ITSN1: variants seen among roughly 807,000 people sequenced by gnomAD.
The protein encoded by ITSN1 is intersectin-1.
A neutral mutation model predicts 239.8 loss-of-function variants in ITSN1; 58 were observed. The ratio of observed to expected loss-of-function variants is 0.24; its 90% confidence interval spans 0.20 to 0.30. The LOEUF (loss-of-function observed/expected upper bound fraction) is 0.30. Ranked by LOEUF, ITSN1 falls within the 10% of genes least tolerant of loss-of-function variation. The pLI is 1.00. For synonymous variants in ITSN1, 780 were observed against 770.8 expected (o/e 1.01, Z -0.20); for missense variants, 1,558 against 2,103.3 (o/e 0.74, Z 5.07).
chr21:33,829,520 T>G (rs2074168900), intron 26 of ITSN1, 104 bp from the exon 27 acceptor site: 5 of 1,228,012 alleles, frequency 4.1e-6, no homozygotes, highest in Non-Finnish European at 5.8e-6. Flanking sequence ...AATACATTGG[T>G]TTTGATGTGT....
chr21:33,784,754 T>C (rs1602222692), intron 16 of ITSN1, among the ~76,000 whole-genome samples: 2 of 152,258 alleles, frequency 1.3e-5, no homozygotes, highest in East Asian at 3.8e-4. Context: ...CCCACTTTTC[T>C]TTGTTGTAGC....
At chr21:33,651,536 C>T (rs1172926391) in intron 1 of ITSN1, among the ~76,000 whole-genome samples, 1 of 152,090 alleles carries the variant, frequency 6.6e-6, no homozygotes, top group Non-Finnish European at 1.5e-5. Context: ...GAAAAGAGAA[C>T]CCCATAAAAT....
In ITSN1 at chr21:33,775,089, A is replaced by T; in HGVS notation, c.1577A>T (p.His526Leu). ...GAGTTGAGAATTGCCGAAATCACCC[A>T]TCTACAGCAACAATTACAGGTGAGG... Reference protein sequence around the residue: ...SRELRIAEITHLQQQLQESQQ... With the variant: ...SRELRIAEITLLQQQLQESQQ... The change falls in exon 14 of 40, where the codon CAT (histidine) becomes CTT (leucine). Residue 526 changes from histidine to leucine, a missense_variant. Physicochemically the swap from His to Leu is moderately conservative, Grantham distance 99. Transcript: ENST00000381318. 6.2e-7 allele frequency: 1 copy of T among 1,613,228 alleles called. No individual in the cohort carries two copies. Among genetic ancestry groups the T allele is most frequent in the African/African-American group, 1.3e-5 (1 of 75,038 alleles).
chr21:33,885,302 G>A, intron 37 of ITSN1, 137 bp from the exon 38 acceptor site: 1 of 1,008,216 alleles, frequency 9.9e-7, no homozygotes, highest in Non-Finnish European at 1.5e-6. Context: ...CCAGGAGCAA[G>A]GAAGCAAGTG....
intron 29 of ITSN1, among the ~76,000 whole-genome samples, chr21:33,840,037 A>G (rs1469848661): frequency 1.3e-5 from 2 of 152,240 alleles, no homozygotes; most frequent in Non-Finnish European, 2.9e-5. Context: ...CACCACCAGA[A>G]AGGCTGCCCC....
At chr21:33,710,279 C>T (rs1029933412) in intron 1 of ITSN1, among the ~76,000 whole-genome samples, 7 of 151,708 alleles carry the variant, frequency 4.6e-5, no homozygotes, top group Non-Finnish European at 1.0e-4. Flanking sequence ...GGGGTTTCAC[C>T]GTGTTAGCCA....
chr21:33,671,443 C>T lies in ITSN1; in HGVS notation c.-33+28730C>T, dbSNP rs1005278357. Among the ~76,000 whole-genome samples the T allele has an allele frequency of 2.6e-5, 4 of 151,974 alleles. No individual in the cohort carries two copies. The East Asian group carries it at 5.9e-4, about 22-fold the overall frequency. On this transcript the variant is annotated intron_variant, in intron 1 of 39. Coordinates refer to ENST00000381318, the MANE Select transcript of ITSN1 (RefSeq NM_003024.3). Reference sequence around the variant, plus strand: ...CTGGGATTACAGGCGCCGGCCACCACGCCCGACTAATTTTGTATTTTTAGT... The same window carrying T: ...CTGGGATTACAGGCGCCGGCCACCATGCCCGACTAATTTTGTATTTTTAGT...
intron 1 of ITSN1, among the ~76,000 whole-genome samples, chr21:33,659,905 T>C (rs2089421773): frequency 6.6e-6 from 1 of 151,716 alleles, no homozygotes; most frequent in South Asian, 2.1e-4. Context: ...AAAATTTTTG[T>C]AGAGATGGGA....
intron 16 of ITSN1, among the ~76,000 whole-genome samples, chr21:33,788,598 G>T (rs924274681): frequency 3.3e-5 from 5 of 152,104 alleles, no homozygotes; most frequent in Admixed American, 3.3e-4. Flanking sequence ...GGGTGTGGTG[G>T]CATGCACCTG....
chr21:33,692,331 C>T (rs996237760), intron 1 of ITSN1, among the ~76,000 whole-genome samples: 2 of 152,166 alleles, frequency 1.3e-5, no homozygotes, highest in Admixed American at 1.3e-4. Context: ...TTCTAGCTGG[C>T]GTGCTTTCTG....
intron 16 of ITSN1, among the ~76,000 whole-genome samples, chr21:33,787,501 G>C (rs906458383): frequency 7.2e-5 from 11 of 152,160 alleles, no homozygotes; most frequent in African/African-American, 2.7e-4. Flanking sequence ...CCGAATCGAT[G>C]TTGAAATGAG....
At chr21:33,850,384 A>AT (rs1257305913) in intron 29 of ITSN1, among the ~76,000 whole-genome samples, 1 of 152,154 alleles carries the variant, frequency 6.6e-6, no homozygotes, top group Non-Finnish European at 1.5e-5. Context: ...CTTTGGGGGC[A>AT]TTCCTTCCCC....
intron 1 of ITSN1, among the ~76,000 whole-genome samples, chr21:33,694,225 C>T (rs756154604): frequency 1.3e-5 from 2 of 152,150 alleles, no homozygotes; most frequent in Non-Finnish European, 2.9e-5. Context: ...TTTTTAAACA[C>T]TTTGTTGCTT....
In ITSN1 at chr21:33,837,666, A is replaced by G. The variant is rs577826987; in HGVS notation, c.3661+1034A>G. ...GTTGAGCATGTAATACATCCTGTAC[A>G]TAAGAAATTAGTTCTTTCCATGGCA... On this transcript the variant is annotated intron_variant, in intron 29 of 39. Coordinates refer to ENST00000381318, the MANE Select transcript of ITSN1 (RefSeq NM_003024.3). The G allele has an allele frequency of 1.0e-4, 102 of 985,888 alleles. 1 individual carries two copies. The African/African-American group carries it at 1.4e-3, about 13-fold the overall frequency. The allele number at this position is 985,888 out of a possible 1,614,324, so 61.1% of individuals were successfully genotyped here.
chr21:33,700,327 C>T (rs1361852880), intron 1 of ITSN1, among the ~76,000 whole-genome samples: 1 of 152,088 alleles, frequency 6.6e-6, no homozygotes, highest in Non-Finnish European at 1.5e-5. Flanking sequence ...TCAGGTGATC[C>T]ACCTGCCTCG....
intron 20 of ITSN1, among the ~76,000 whole-genome samples, chr21:33,808,010 C>T (rs527354096): frequency 6.0e-5 from 9 of 151,042 alleles, no homozygotes; most frequent in Non-Finnish European, 1.0e-4. Context: ...AAGGTGAAAC[C>T]CCGTCTCTAC....
rs1310168098 is a variant in ITSN1, at chr21:33,836,539, C to T, written c.3568C>T (p.Pro1190Ser). The T allele has an allele frequency of 2.5e-6, 4 of 1,613,870 alleles. No homozygotes were observed. Among genetic ancestry groups the T allele is most frequent in the Non-Finnish European group, 3.4e-6 (4 of 1,179,830 alleles). ...QIINVLNKED[P>S]DWWKGEVNGQ... ...CATCAACGTCCTCAACAAGGAGGACCCTGACTGGTGGAAAGGAGAAGTCAA... is the reference window on the plus strand; with the variant it reads ...CATCAACGTCCTCAACAAGGAGGACTCTGACTGGTGGAAAGGAGAAGTCAA... The change falls in exon 29 of 40, where the codon CCT becomes TCT. Residue 1190 changes from proline to serine, a missense_variant. Physicochemically the swap from Pro to Ser is moderately conservative, Grantham distance 74. Around this residue, in one of 2 missense-constraint regions of ITSN1, gnomAD observed 576 missense variants for 893.3 expected, o/e 0.64. Coordinates refer to ENST00000381318, the MANE Select transcript of ITSN1 (RefSeq NM_003024.3).
At chr21:33,824,317 C>A (rs2073860383) in intron 25 of ITSN1, among the ~76,000 whole-genome samples, 1 of 152,110 alleles carries the variant, frequency 6.6e-6, no homozygotes, top group Non-Finnish European at 1.5e-5. Flanking sequence ...TGGGGTGGAC[C>A]TACCACAGAG....
intron 27 of ITSN1, among the ~76,000 whole-genome samples, chr21:33,833,859 G>A (rs1035584494): frequency 1.2e-4 from 18 of 146,042 alleles, no homozygotes; most frequent in Non-Finnish European, 1.5e-4. Context: ...GTGACAGAGC[G>A]AGACTCCGTC....
Sources: allele counts gnomAD v4.1 joint callset (sites outside exome capture counted in the v4.1 genomes callset), GRCh38; gene constraint gnomAD v4.1.1; regional missense constraint gnomAD v4.1.1; transcripts MANE v1.5; gene names NCBI Gene and HGNC (gene_info 2026-07-23, HGNC 2026-07-21).